Variants in LRRC41 observed in about 807,000 individuals in gnomAD.
LRRC41 encodes leucine-rich repeat-containing protein 41.
A neutral mutation model predicts 72.1 loss-of-function variants in LRRC41; 17 were observed. That is an observed-to-expected ratio of 0.24 (90% CI 0.16 to 0.35). LRRC41 has a LOEUF of 0.35. Among genes scored for constraint, LRRC41 ranks in the 10% least tolerant of loss-of-function variants. LRRC41 has a pLI of 1.00. For missense variants in LRRC41, 759 were observed against 1,065.0 expected, an observed-to-expected ratio of 0.71 and a Z score of 4.00; for synonymous variants, 427 against 431.0, an observed-to-expected ratio of 0.99 and a Z score of 0.11.
intron 1 of LRRC41, 123 bp downstream of exon 1, chr1:46,303,001 G>C: frequency 7.6e-7 from 1 of 1,312,310 alleles, no homozygotes; most frequent in Non-Finnish European, 9.7e-7. Flanking sequence ...GATCCTACGA[G>C]CTGGCTTTCA....
chr1:46,290,916 GTTTTTTT>G (rs71062750), intron 3 of LRRC41, among the ~76,000 whole-genome samples: 41 of 65,722 alleles, frequency 6.2e-4, no homozygotes, highest in African/African-American at 1.5e-3. Context: ...CCTGTTTCTA[GTTTTTTT>G]TTTTTTTTTT....
In LRRC41 at chr1:46,302,361, C is replaced by T. The variant is rs1557720697; in HGVS notation, c.199+763G>A. 4.1e-6 allele frequency: 4 copies of T among 985,448 alleles called. No homozygotes were observed. The highest frequency in any genetic ancestry group is 4.8e-6 in the Non-Finnish European group (4 of 829,930). The allele number at this position is 985,448 out of a possible 1,614,324, so 61.0% of individuals were successfully genotyped here. A position where few individuals can be genotyped will look rare whatever the true frequency, so the allele number is the denominator to read the frequency against. On this transcript the variant is annotated intron_variant, in intron 1 of 9. Transcript: ENST00000617190. This position sits in a 1 kb window ranked among gnomAD's most constrained non-coding sequence, Gnocchi z 4.7. The stretch of plus-strand genomic sequence containing the variant: ...GCCGCTCCGGGCCCCCCTCCACTCG[C>T]TCTCCGGTCCCTCCTCGCCGCTCGA...
In LRRC41 at chr1:46,286,024, TCTCGGGATGGGGCCCGGC is replaced by T. The variant is rs747136009; in HGVS notation, c.815_832del (p.Gly272_Arg277del). On this transcript the variant is annotated inframe_deletion, in exon 4 of 10. Transcript: ENST00000617190. This position sits in a 1 kb window ranked among gnomAD's most constrained non-coding sequence, Gnocchi z 5.5. The stretch of plus-strand genomic sequence containing the variant: ...TGAGCCCAATAAGAGGGACCCTTCA[TCTCGGGATGGGGCCCGGC>T]CTCGGGAGGCCTCTCCACAGAGGCG... 2.5e-6 allele frequency: 4 copies of T among 1,578,990 alleles called. No individual in the cohort carries two copies. Among genetic ancestry groups the T allele is most frequent in the Non-Finnish European group, 3.4e-6 (4 of 1,161,712 alleles).
Position 46,303,435 on chromosome 1 carries a change from G to A in LRRC41, c.-113C>T. On this transcript the variant is annotated 5_prime_UTR_variant, in exon 1 of 10. Transcript: ENST00000617190. ...GGGGAAGAATGTGAATTATTCTAAA[G>A]AAATTTCGAAGAAATTAGCACACTT... 9.3e-7 allele frequency: 1 copy of A among 1,075,564 alleles called. No individual in the cohort carries two copies. Among genetic ancestry groups the A allele is most frequent in the Middle Eastern group, 3.1e-4 (1 of 3,212 alleles). The allele number at this position is 1,075,564 out of a possible 1,614,324, so 66.6% of individuals were successfully genotyped here.
chr1:46,281,104 A>G, intron 5 of LRRC41, 21 bp downstream of exon 5: 1 of 1,612,240 alleles, frequency 6.2e-7, no homozygotes, highest in South Asian at 1.1e-5. Flanking sequence ...CACACACACA[A>G]ACACACACAC....
chr1:46,288,315 A>G (rs1308332718), intron 3 of LRRC41, among the ~76,000 whole-genome samples: 1 of 152,204 alleles, frequency 6.6e-6, no homozygotes, highest in African/African-American at 2.4e-5. Context: ...CTCTTTCACT[A>G]TACTCTGGAC....
At position 46,302,236 on chromosome 1, in the gene LRRC41, C is replaced by A; in HGVS notation, c.199+888G>T. On this transcript the variant is annotated intron_variant, in intron 1 of 9. Coordinates refer to ENST00000617190, the MANE Select transcript of LRRC41 (RefSeq NM_006369.5). This position sits in a 1 kb window ranked among gnomAD's most constrained non-coding sequence, Gnocchi z 4.7. ...CTTGGCGGCGCCGCGCCCCCTGCCACGGCAGCCCGGCAGTCCGGGATCCCC... is the reference window on the plus strand; with the variant it reads ...CTTGGCGGCGCCGCGCCCCCTGCCAAGGCAGCCCGGCAGTCCGGGATCCCC... 1.0e-6 allele frequency: 1 copy of A among 985,366 alleles called. No homozygotes were observed. Among genetic ancestry groups the A allele is most frequent in the Non-Finnish European group, 1.2e-6 (1 of 829,894 alleles). 61.0% of individuals were successfully genotyped at this position (985,366 alleles called of 1,614,324 possible).
At chr1:46,280,659 T>C in intron 5 of LRRC41, 99 bp from the exon 6 acceptor site, 1 of 1,261,438 alleles carries the variant, frequency 7.9e-7, no homozygotes, top group South Asian at 1.4e-5. Context: ...AAAAAATTAT[T>C]TATTCATTCA....
chr1:46,279,688 C>T lies in LRRC41; in HGVS notation c.2021-74G>A, dbSNP rs1660729127. The T allele has an allele frequency of 6.3e-7, 1 of 1,585,946 alleles. No homozygotes were observed. Among genetic ancestry groups the T allele is most frequent in the Non-Finnish European group, 8.6e-7 (1 of 1,158,860 alleles). Reference sequence around the variant, plus strand: ...GCTGCCCCTCCTGCCCCAGTTGGCCCTAGCAAGGGGTATTAACATTATAGA... The same window carrying T: ...GCTGCCCCTCCTGCCCCAGTTGGCCTTAGCAAGGGGTATTAACATTATAGA... On this transcript the variant is annotated intron_variant, in intron 7 of 9. Coordinates refer to ENST00000617190, the MANE Select transcript of LRRC41 (RefSeq NM_006369.5). The surrounding 1 kb of genome is among the most constrained non-coding windows in gnomAD (Gnocchi z 4.5).
At chr1:46,290,930 T>TTG (rs1201642278) in intron 3 of LRRC41, among the ~76,000 whole-genome samples, 2 of 145,568 alleles carry the variant, frequency 1.4e-5, no homozygotes, top group Non-Finnish European at 3.0e-5. Context: ...TTTTTTTTTT[T>TTG]TTTTTTTTTT....
chr1:46,302,709 C>T lies in LRRC41; in HGVS notation c.199+415G>A, dbSNP rs1346842813. On this transcript the variant is annotated intron_variant, in intron 1 of 9. Transcript: ENST00000617190. The surrounding 1 kb of genome is among the most constrained non-coding windows in gnomAD (Gnocchi z 4.7). ...GGCCTGGCCTGGCCTTGCCTTAGGC[C>T]GGGCCTCCTAACCTCGGCCCCTGCC... 1.0e-6 allele frequency: 1 copy of T among 985,172 alleles called. No individual in the cohort carries two copies. The highest frequency in any genetic ancestry group is 1.2e-6 in the Non-Finnish European group (1 of 829,848). The allele number at this position is 985,172 out of a possible 1,614,324, so 61.0% of individuals were successfully genotyped here.
In LRRC41 at chr1:46,303,173, G is replaced by T; in HGVS notation, c.150C>A (p.Cys50Ter). ...CCATATGGGCGCTCACCGCCCGCCC[G>T]CACAGCTCGAACAGGGCGGGGGGAG... ...PNAPPALFEL[C>*]GRAVSAHMGV... Residue 50 changes from cysteine (C) to a stop codon, truncating the protein, a stop_gained, in exon 1 of 10, where the codon TGC becomes TGA. Coordinates refer to ENST00000617190, the MANE Select transcript of LRRC41 (RefSeq NM_006369.5). LOFTEE classifies it high-confidence loss of function. 2 of 1,552,460 alleles carry T rather than the reference G, an allele frequency of 1.3e-6. No individual in the cohort carries two copies.
At position 46,277,903 on chromosome 1, in the gene LRRC41, A is replaced by T; in HGVS notation, c.*962T>A. The T allele has an allele frequency of 6.2e-7, 1 of 1,614,134 alleles. No individual in the cohort carries two copies. ...GTGTGGTGGATGAGGAGCAGGATGTAGAGCGCCACTTCTCTCTGGGCGAGT... is the reference window on the plus strand; with the variant it reads ...GTGTGGTGGATGAGGAGCAGGATGTTGAGCGCCACTTCTCTCTGGGCGAGT... On this transcript the variant is annotated 3_prime_UTR_variant, in exon 10 of 10. Coordinates refer to ENST00000617190, the MANE Select transcript of LRRC41 (RefSeq NM_006369.5).
rs1409588986 is a variant in LRRC41 at position 46,302,506 on chromosome 1, C to A, written c.199+618G>T. On this transcript the variant is annotated intron_variant, in intron 1 of 9. Transcript: ENST00000617190. The surrounding 1 kb of genome is among the most constrained non-coding windows in gnomAD (Gnocchi z 4.7). ...TTCGCTCCCGTCAGCCCTGGGCCGT[C>A]AGACAGGCCGCGGCGCCCCGACCCT... 2.0e-6 allele frequency: 2 copies of A among 985,258 alleles called. No individual in the cohort carries two copies. Among genetic ancestry groups the A allele is most frequent in the South Asian group, 9.4e-5 (2 of 21,290 alleles). 61.0% of individuals were successfully genotyped at this position (985,258 alleles called of 1,614,324 possible). A position where few individuals can be genotyped will look rare whatever the true frequency, so the allele number is the denominator to read the frequency against.
At position 46,279,174 on chromosome 1, in the gene LRRC41, T is replaced by A; in HGVS notation, c.2219+8A>T. Reference sequence around the variant, plus strand: ...CCCATCCCTTGTCTTGCCCCTCCCCTCATGTACCTGATGTCCAGCTGACAG... The same window carrying A: ...CCCATCCCTTGTCTTGCCCCTCCCCACATGTACCTGATGTCCAGCTGACAG... On this transcript the variant is annotated splice_region_variant and intron_variant, in intron 9 of 9. Transcript: ENST00000617190. This position sits in a 1 kb window ranked among gnomAD's most constrained non-coding sequence, Gnocchi z 4.5. 1 of 1,614,038 alleles carries A rather than the reference T, an allele frequency of 6.2e-7. No individual in the cohort carries two copies. The highest frequency in any genetic ancestry group is 1.1e-5 in the South Asian group (1 of 91,058).
At chr1:46,303,014 G>A in intron 1 of LRRC41, 110 bp downstream of exon 1, 2 of 1,309,340 alleles carry the variant, frequency 1.5e-6, no homozygotes, top group South Asian at 2.3e-5. Flanking sequence ...GGCTTTCAGC[G>A]CCCCAGGCTG....
Position 46,285,238 on chromosome 1 carries a change from A to C in LRRC41, c.1495+124T>G. On this transcript the variant is annotated intron_variant, in intron 4 of 9. Transcript: ENST00000617190. This position sits in a 1 kb window ranked among gnomAD's most constrained non-coding sequence, Gnocchi z 5.3. ...CAGTCTCCCCTGCTATGAGGCATAC[A>C]AGCCTTCCTCTCTAACCTCCTGATC... is the stretch of plus-strand genomic sequence containing the variant. 1.1e-6 allele frequency: 1 copy of C among 883,696 alleles called. No individual in the cohort carries two copies. The highest frequency in any genetic ancestry group is 1.8e-6 in the Non-Finnish European group (1 of 551,156). The allele number at this position is 883,696 out of a possible 1,614,324, so 54.7% of individuals were successfully genotyped here. A position where few individuals can be genotyped will look rare whatever the true frequency, so the allele number is the denominator to read the frequency against.
chr1:46,283,408 C>T (rs1040275252), intron 4 of LRRC41, among the ~76,000 whole-genome samples: 2 of 152,140 alleles, frequency 1.3e-5, no homozygotes, highest in Non-Finnish European at 2.9e-5. Flanking sequence ...CACTTGAGGC[C>T]AAGAGTTCGA....
chr1:46,290,293 C>G (rs1660980488), intron 3 of LRRC41, among the ~76,000 whole-genome samples: 1 of 152,042 alleles, frequency 6.6e-6, no homozygotes, highest in Admixed American at 6.6e-5. Context: ...GCCTGTAATC[C>G]AGCTACTTGG....
Sources: gnomAD v4.1 joint callset for allele counts (sites outside exome capture counted in the v4.1 genomes callset) on GRCh38, gnomAD v4.1.1 for gene constraint, Gnocchi (gnomAD v3.1) non-coding constraint, MANE v1.5 for transcripts, NCBI Gene and HGNC (gene_info 2026-07-23, HGNC 2026-07-21) for gene names.